Variants in ANK2 observed in about 807,000 individuals in gnomAD.
ANK2 encodes the protein ankyrin-2.
A neutral mutation model predicts 360.5 loss-of-function variants in ANK2; 83 were observed. The ratio of observed to expected loss-of-function variants is 0.23; its 90% CI spans 0.19 to 0.28. The LOEUF (loss-of-function observed/expected upper bound fraction) is 0.28. Ranked by LOEUF, ANK2 falls within the 10% of genes least tolerant of loss-of-function variation. The probability of loss-of-function intolerance (pLI) is 1.00; values close to 1 mark genes in which losing one functional copy is unlikely to be tolerated. For missense variants in ANK2, 4,201 were observed against 4,795.7 expected (o/e 0.88, Z 3.66); for synonymous variants, 1,740 against 1,759.5 (o/e 0.99, Z 0.28).
In ANK2 at chr4:113,068,893, C is replaced by G. The variant is rs963363900; in HGVS notation, c.84+19081C>G. Among the ~76,000 whole-genome samples, 21 of 152,062 alleles carry G rather than the reference C, an allele frequency of 1.4e-4. No individual in the cohort carries two copies. In the East Asian group the frequency reaches 1.9e-3, roughly 14 times the overall value. On this transcript the variant is annotated intron_variant, in intron 1 of 45. Transcript: ENST00000357077. Reference sequence around the variant, plus strand: ...CTGGGCAACATAGTGAGACCCTCATCTGTACAAAAAGTTTTCAAAATTAGC... The same window carrying G: ...CTGGGCAACATAGTGAGACCCTCATGTGTACAAAAAGTTTTCAAAATTAGC...
At position 113,242,242 on chromosome 4, in the gene ANK2, T is replaced by G. The variant is rs369457227; in HGVS notation, c.891+33T>G. 2.5e-6 allele frequency: 4 copies of G among 1,580,558 alleles called. No individual in the cohort carries two copies. The African/African-American group carries it at 5.4e-5, about 21-fold the overall frequency. On this transcript the variant is annotated intron_variant, in intron 9 of 45. Transcript: ENST00000357077. ...TCTCTGTTCTTTCAATTTTCTACCATTATTATTTCTTTCAAGCCTCATAGA... is the reference window on the plus strand; with the variant it reads ...TCTCTGTTCTTTCAATTTTCTACCAGTATTATTTCTTTCAAGCCTCATAGA...
At chr4:113,242,299 A>T in intron 9 of ANK2, 90 bp downstream of exon 9, 3 of 1,121,116 alleles carry the variant, frequency 2.7e-6, no homozygotes, top group Non-Finnish European at 4.1e-6. Context: ...CATTAACATA[A>T]GCAATGTGTT....
chr4:113,233,683 A>G (rs1251642399), intron 5 of ANK2, among the ~76,000 whole-genome samples: 1 of 152,134 alleles, frequency 6.6e-6, no homozygotes, highest in Non-Finnish European at 1.5e-5. Flanking sequence ...CTTTTTATGG[A>G]GCCAATTGCA....
intron 2 of ANK2, among the ~76,000 whole-genome samples, chr4:112,957,564 G>A (rs2030063306): frequency 6.6e-6 from 1 of 151,894 alleles, no homozygotes; most frequent in South Asian, 2.1e-4. Context: ...CCGGGCAGAA[G>A]GGCTCCTCAC....
chr4:112,921,735 G>A (rs1396542992), intron 2 of ANK2, among the ~76,000 whole-genome samples: 1 of 145,316 alleles, frequency 6.9e-6, no homozygotes, highest in African/African-American at 2.5e-5. Context: ...TTAAATGTTT[G>A]TTATCATGGC....
chr4:113,185,923 A>C (rs1257905690), intron 2 of ANK2, among the ~76,000 whole-genome samples: 1 of 152,200 alleles, frequency 6.6e-6, no homozygotes, highest in African/African-American at 2.4e-5. Flanking sequence ...AGTTTTCTGC[A>C]TATGGCTAGC....
intron 2 of ANK2, among the ~76,000 whole-genome samples, chr4:113,041,554 C>CT (rs901975530): frequency 1.6e-4 from 24 of 152,176 alleles, no homozygotes; most frequent in Non-Finnish European, 1.9e-4. Flanking sequence ...AAAATCTGCC[C>CT]TTTTTAGCCA....
the ANK2 span, among the ~76,000 whole-genome samples, chr4:112,764,397 C>T: frequency 1.3e-5 from 2 of 151,586 alleles, no homozygotes; most frequent in Non-Finnish European, 2.9e-5. Flanking sequence ...ACGCAATGGC[C>T]CGATCTCGGC....
At chr4:113,067,058 C>T (rs2075887477) in intron 1 of ANK2, among the ~76,000 whole-genome samples, 1 of 151,926 alleles carries the variant, frequency 6.6e-6, no homozygotes, top group Non-Finnish European at 1.5e-5. Context: ...GACTGTATCT[C>T]ATGTTTATGA....
chr4:113,317,448 A>G (rs2083486240), intron 24 of ANK2: 1 of 487,316 alleles, frequency 2.1e-6, no homozygotes, highest in South Asian at 2.1e-5. Context: ...TGGGAAGAAA[A>G]TGAATCAGAT....
At chr4:112,724,695 T>C in the ANK2 span, among the ~76,000 whole-genome samples, 5 of 152,272 alleles carry the variant, frequency 3.3e-5, no homozygotes, top group African/African-American at 1.2e-4. Context: ...AACCCTTGTG[T>C]GCTACTGATG....
chr4:112,946,582 CT>C (rs2094557937), intron 2 of ANK2, among the ~76,000 whole-genome samples: 1 of 152,164 alleles, frequency 6.6e-6, no homozygotes, highest in Non-Finnish European at 1.5e-5. Context: ...TGTCCATGCA[CT>C]ATTTCTAACT....
intron 1 of ANK2, among the ~76,000 whole-genome samples, chr4:112,904,071 A>T (rs2084380290): frequency 6.6e-6 from 1 of 152,166 alleles, no homozygotes; most frequent in Non-Finnish European, 1.5e-5. Flanking sequence ...TATCCAATTT[A>T]ATACTCTTTG....
At chr4:113,348,199 C>T in intron 35 of ANK2, 77 bp from the exon 36 acceptor site, 1 of 1,465,132 alleles carries the variant, frequency 6.8e-7, no homozygotes, top group East Asian at 2.3e-5. Context: ...TTTATTTACT[C>T]TTTCCTTTTC....
chr4:113,200,254 G>T (rs1290203565), intron 4 of ANK2, among the ~76,000 whole-genome samples: 1 of 152,128 alleles, frequency 6.6e-6, no homozygotes, highest in Non-Finnish European at 1.5e-5. Flanking sequence ...CATCTGTAAA[G>T]AACATCTGTA....
chr4:113,112,462 G>A (rs2094395111), intron 1 of ANK2, among the ~76,000 whole-genome samples: 1 of 152,148 alleles, frequency 6.6e-6, no homozygotes, highest in Non-Finnish European at 1.5e-5. Context: ...TTTTGCTTCT[G>A]AACTGTGGCT....
chr4:113,151,129 T>C (rs1043699085), intron 1 of ANK2: 2 of 1,288,504 alleles, frequency 1.6e-6, no homozygotes, highest in African/African-American at 1.5e-5. Context: ...GAAAAGGTGA[T>C]GGAAGCAAAA....
Position 113,359,575 on chromosome 4 carries a change from A to G in ANK2, c.10681+276A>G, listed in dbSNP as rs148090529. ...TTGCCTTTTTTAGCCTCTGCACGTAATAAGGCCATGCGAGCTTTGAGTTTT... is the reference window on the plus strand; with the variant it reads ...TTGCCTTTTTTAGCCTCTGCACGTAGTAAGGCCATGCGAGCTTTGAGTTTT... On this transcript the variant is annotated intron_variant, in intron 38 of 45. Coordinates refer to ENST00000357077, the MANE Select transcript of ANK2 (RefSeq NM_001148.6). Among the ~76,000 whole-genome samples, 480 of 152,312 alleles carry G rather than the reference A, an allele frequency of 3.2e-3. 3 individuals carry two copies. The highest frequency in any genetic ancestry group is 0.011 in the African/African-American group (442 of 41,574).
At chr4:113,326,929 C>T (rs778932665) in intron 26 of ANK2, among the ~76,000 whole-genome samples, 9 of 152,014 alleles carry the variant, frequency 5.9e-5, no homozygotes, top group South Asian at 2.1e-4. Flanking sequence ...ACTTGAGCCC[C>T]GAAGGTCAAG....
Sources: allele counts gnomAD v4.1 joint callset (sites outside exome capture counted in the v4.1 genomes callset), GRCh38; gene constraint gnomAD v4.1.1; transcripts MANE v1.5; gene names NCBI Gene and HGNC (gene_info 2026-07-23, HGNC 2026-07-21).